Variants in EPHA5 observed in about 807,000 individuals in gnomAD.
EPHA5 encodes the protein ephrin type-A receptor 5.
Under a neutral mutation model 105.0 loss-of-function variants are expected in EPHA5, and 60 were observed. The observed-to-expected ratio is 0.57, with a 90% CI of 0.46 to 0.71. EPHA5 has a LOEUF of 0.71. Ranked by LOEUF, EPHA5 falls within the 30% of genes least tolerant of loss-of-function variation. The probability of loss-of-function intolerance (pLI) is 0.00; values close to 1 mark genes in which losing one functional copy is unlikely to be tolerated. For synonymous variants in EPHA5, 513 were observed against 449.1 expected (o/e 1.14, Z -1.80); for missense variants, 1,218 against 1,274.7 (o/e 0.96, Z 0.68).
chr4:65,373,543 G>A (rs1282708594), intron 8 of EPHA5, among the ~76,000 whole-genome samples: 1 of 151,800 alleles, frequency 6.6e-6, no homozygotes, highest in Non-Finnish European at 1.5e-5. Flanking sequence ...TAAAAATTAG[G>A]ATAATAGTTA....
At chr4:65,374,513 A>T (rs1312942450) in intron 8 of EPHA5, among the ~76,000 whole-genome samples, 2 of 151,948 alleles carry the variant, frequency 1.3e-5, no homozygotes, top group African/African-American at 4.8e-5. Flanking sequence ...TTAGAATCGC[A>T]GAGCCTTGCA....
chr4:65,386,762 TTAAA>T (rs1220290053), intron 8 of EPHA5, among the ~76,000 whole-genome samples: 2 of 152,008 alleles, frequency 1.3e-5, no homozygotes, highest in African/African-American at 4.8e-5. Flanking sequence ...AAAAGACATC[TTAAA>T]TATATATGGC....
chr4:65,461,385 A>C (rs1381484474), intron 5 of EPHA5, among the ~76,000 whole-genome samples: 1 of 151,954 alleles, frequency 6.6e-6, no homozygotes, highest in Admixed American at 6.6e-5. Context: ...AAAAACAGAA[A>C]ATTTATATTA....
intron 2 of EPHA5, among the ~76,000 whole-genome samples, chr4:65,610,497 C>A (rs1025586027): frequency 7.9e-5 from 12 of 151,824 alleles, no homozygotes; most frequent in Admixed American, 2.0e-4. Context: ...CAAACCTGCA[C>A]ATGTGCCCCG....
intron 8 of EPHA5, among the ~76,000 whole-genome samples, chr4:65,375,895 G>T (rs1352777679): frequency 4.6e-5 from 7 of 151,652 alleles, no homozygotes; most frequent in Admixed American, 2.6e-4. Context: ...ATGCTCATAA[G>T]AATTTCCCAT....
At chr4:65,462,540 G>A (rs1319868368) in intron 5 of EPHA5, among the ~76,000 whole-genome samples, 1 of 152,128 alleles carries the variant, frequency 6.6e-6, no homozygotes, top group South Asian at 2.1e-4. Flanking sequence ...GTCCAAGATA[G>A]CCTCCTTCAG....
At chr4:65,364,493 T>C (rs535939391) in intron 11 of EPHA5, among the ~76,000 whole-genome samples, 17 of 151,794 alleles carry the variant, frequency 1.1e-4, no homozygotes, top group African/African-American at 3.4e-4. Context: ...TAGATTTGCT[T>C]TCACAACAAC....
chr4:65,510,289 C>T (rs1733488582), intron 3 of EPHA5, among the ~76,000 whole-genome samples: 1 of 151,860 alleles, frequency 6.6e-6, no homozygotes, highest in South Asian at 2.1e-4. Flanking sequence ...AGGTGATCAG[C>T]CCACCTCGGC....
chr4:65,329,632 A>G (rs754122842), intron 16 of EPHA5, among the ~76,000 whole-genome samples: 6 of 151,370 alleles, frequency 4.0e-5, no homozygotes, highest in Non-Finnish European at 8.9e-5. Flanking sequence ...CTATCTTCTG[A>G]CAATAACTCT....
chr4:65,345,773 C>A (rs898065053), intron 14 of EPHA5, among the ~76,000 whole-genome samples: 1 of 110,188 alleles, frequency 9.1e-6, no homozygotes, highest in Non-Finnish European at 2.1e-5. Context: ...TTTTTCTTTT[C>A]TTTTCTTTTT....
chr4:65,486,735 G>T (rs907249166), intron 5 of EPHA5, among the ~76,000 whole-genome samples: 1 of 152,204 alleles, frequency 6.6e-6, no homozygotes, highest in Admixed American at 6.5e-5. Context: ...AAAGTGTTTT[G>T]CCATGGTGGC....
In EPHA5 at chr4:65,459,004, ATTTT is replaced by A. The variant is rs1727874845; in HGVS notation, c.1402+31369_1402+31372del. Among the ~76,000 whole-genome samples the A allele has an allele frequency of 2.0e-5, 3 of 152,142 alleles. No individual in the cohort carries two copies. The South Asian group carries it at 6.2e-4, about 32-fold the overall frequency. ...ATGCATGTGAATTTTCACACCTGTT[ATTTT>A]TTGAGAGTAAGAATCAATTGCATTT... is the stretch of plus-strand genomic sequence containing the variant. On this transcript the variant is annotated intron_variant, in intron 5 of 16. Transcript: ENST00000613740.
At chr4:65,544,586 GGC>G in intron 3 of EPHA5, among the ~76,000 whole-genome samples, 2 of 152,074 alleles carry the variant, frequency 1.3e-5, no homozygotes, top group Middle Eastern at 3.4e-3. Flanking sequence ...AGCAGATGCT[GGC>G]ATGGCTATGG....
chr4:65,414,528 T>C (rs553858348), intron 6 of EPHA5, 85 bp from the exon 7 acceptor site: 6 of 1,447,182 alleles, frequency 4.1e-6, no homozygotes, highest in South Asian at 3.8e-5. Flanking sequence ...GATCAGAAAA[T>C]GAATCAGAAA....
At chr4:65,436,867 A>G (rs1302336562) in intron 5 of EPHA5, among the ~76,000 whole-genome samples, 1 of 151,780 alleles carries the variant, frequency 6.6e-6, no homozygotes, top group African/African-American at 2.4e-5. Flanking sequence ...TTTATTTAGC[A>G]CTCATTTGAT....
At chr4:65,368,341 C>T (rs1718128057) in intron 8 of EPHA5, among the ~76,000 whole-genome samples, 1 of 152,098 alleles carries the variant, frequency 6.6e-6, no homozygotes. Context: ...GGGTATTCCA[C>T]CAACATTCAA....
chr4:65,429,761 T>C (rs1359140594), intron 5 of EPHA5, among the ~76,000 whole-genome samples: 1 of 152,040 alleles, frequency 6.6e-6, no homozygotes, highest in Non-Finnish European at 1.5e-5. Flanking sequence ...GACCACCACA[T>C]CTTCTCTGCT....
At chr4:65,465,527 GA>G (rs371854675) in intron 5 of EPHA5, among the ~76,000 whole-genome samples, 10,003 of 66,032 alleles carry the variant, frequency 0.15, 816 homozygotes, top group Admixed American at 0.2. Context: ...AAGAAAGAAA[GA>G]AAAGAAAGGA....
Position 65,465,059 on chromosome 4 carries a change from A to C in EPHA5, c.1402+25318T>G, listed in dbSNP as rs1379777152. On this transcript the variant is annotated intron_variant, in intron 5 of 16. Coordinates refer to ENST00000613740, the MANE Select transcript of EPHA5 (RefSeq NM_001281766.3). ...AAATTTCCAGAAAATTGAAATTTCCAGAAAATTGAAATAAGACATCTATCT... is the reference window on the plus strand; with the variant it reads ...AAATTTCCAGAAAATTGAAATTTCCCGAAAATTGAAATAAGACATCTATCT... 2.0e-5 allele frequency among the ~76,000 whole-genome samples: 3 copies of C among 152,276 alleles called. No homozygotes were observed. The East Asian group carries it at 5.8e-4, about 29-fold the overall frequency.
Sources: allele counts gnomAD v4.1 joint callset (sites outside exome capture counted in the v4.1 genomes callset), GRCh38; gene constraint gnomAD v4.1.1; transcripts MANE v1.5; gene names NCBI Gene and HGNC (gene_info 2026-07-23, HGNC 2026-07-21).